Variants in NFIA observed in about 807,000 individuals in gnomAD.
The protein encoded by NFIA is nuclear factor 1 A-type.
In NFIA, 8 loss-of-function variants were observed where a neutral mutation model predicts 62.8. The ratio of observed to expected loss-of-function variants is 0.13; its 90% CI spans 0.07 to 0.23. NFIA has a LOEUF of 0.23. Among genes scored for constraint, NFIA ranks in the 10% least tolerant of loss-of-function variants. The probability of loss-of-function intolerance (pLI) is 1.00; values close to 1 mark genes in which losing one functional copy is unlikely to be tolerated. For missense variants in NFIA, 410 were observed against 642.1 expected (o/e 0.64, Z 3.91); for synonymous variants, 235 against 238.1 (o/e 0.99, Z 0.12).
At chr1:61,216,182 G>A (rs1011170140) in intron 2 of NFIA, among the ~76,000 whole-genome samples, 1 of 152,214 alleles carries the variant, frequency 6.6e-6, no homozygotes, top group Non-Finnish European at 1.5e-5. Context: ...AGTTCATGGT[G>A]CTGGGTAGTT....
In NFIA at chr1:61,454,127, G is replaced by A. The variant is rs1255161344; in HGVS notation, c.1513-1176G>A. On this transcript the variant is annotated intron_variant, in intron 10 of 10. Transcript: ENST00000403491. ...CTTCCACAGGGATGATCCTTCACCT[G>A]CCTGAAGCAACCCAATTAGAACCCT... is the stretch of plus-strand genomic sequence containing the variant. Among the ~76,000 whole-genome samples, 10 of 152,294 alleles carry A rather than the reference G, an allele frequency of 6.6e-5. No homozygotes were observed. In the South Asian group the frequency reaches 1.7e-3, roughly 25 times the overall value.
chr1:61,254,126 T>C (rs1180334425), intron 2 of NFIA, among the ~76,000 whole-genome samples: 1 of 152,216 alleles, frequency 6.6e-6, no homozygotes, highest in African/African-American at 2.4e-5. Flanking sequence ...CTTACGTCAT[T>C]TGTGGCACTG....
intron 5 of NFIA, among the ~76,000 whole-genome samples, chr1:61,357,697 C>G (rs1184734041): frequency 1.3e-5 from 2 of 152,140 alleles, no homozygotes; most frequent in Admixed American, 6.5e-5. Context: ...CTCTCTGTCT[C>G]CATGTCTGAC....
At chr1:61,415,505 A>C (rs1666309079) in intron 9 of NFIA, among the ~76,000 whole-genome samples, 1 of 152,068 alleles carries the variant, frequency 6.6e-6, no homozygotes, top group African/African-American at 2.4e-5. Flanking sequence ...ACAATCCAAT[A>C]GAAAGACAAG....
At chr1:61,134,586 T>G (rs544736195) in intron 2 of NFIA, among the ~76,000 whole-genome samples, 12 of 152,338 alleles carry the variant, frequency 7.9e-5, no homozygotes, top group Admixed American at 5.9e-4. Flanking sequence ...TTATGACCAC[T>G]CTTAAGATTG....
At chr1:61,109,058 A>G (rs1646651956) in intron 2 of NFIA, among the ~76,000 whole-genome samples, 2 of 151,852 alleles carry the variant, frequency 1.3e-5, no homozygotes, top group African/African-American at 2.4e-5. Context: ...GATTTGAACT[A>G]TAGAACCCTT....
At position 61,461,101 on chromosome 1, in the gene NFIA, CTA is replaced by C. The variant is rs2147962675; in HGVS notation, c.*5783_*5784del. On this transcript the variant is annotated 3_prime_UTR_variant, in exon 11 of 11. Coordinates refer to ENST00000403491, the MANE Select transcript of NFIA (RefSeq NM_001134673.4). ...TGGCGAGATTTTTGTCTCAAAACGA[CTA>C]TTTGAATTTCAAGAACTGTGCTGCG... 6.6e-6 allele frequency: 1 copy of C among 152,178 alleles called. No individual in the cohort carries two copies. Among genetic ancestry groups the C allele is most frequent in the South Asian group, 2.1e-4 (1 of 4,810 alleles). The allele number at this position is 152,178 out of a possible 1,614,324, so 9.4% of individuals were successfully genotyped here.
chr1:61,111,469 G>C (rs1405032958), intron 2 of NFIA, among the ~76,000 whole-genome samples: 1 of 152,140 alleles, frequency 6.6e-6, no homozygotes, highest in African/African-American at 2.4e-5. Flanking sequence ...TTTTGAAACA[G>C]CTGTAGACGT....
chr1:61,273,660 G>A (rs754305123), intron 2 of NFIA, among the ~76,000 whole-genome samples: 8 of 152,240 alleles, frequency 5.3e-5, no homozygotes, highest in East Asian at 3.9e-4. Context: ...GGAAAGTACC[G>A]GGGATAAGAG....
At chr1:61,114,250 A>G (rs1042357110) in intron 2 of NFIA, among the ~76,000 whole-genome samples, 1 of 151,958 alleles carries the variant, frequency 6.6e-6, no homozygotes, top group Non-Finnish European at 1.5e-5. Flanking sequence ...CAAATTCTAT[A>G]TACGTAGAAA....
chr1:61,081,745 TC>T, upstream of NFIA: 1 of 888,684 alleles, frequency 1.1e-6, no homozygotes, highest in Non-Finnish European at 1.7e-6. Flanking sequence ...CACTGATTCC[TC>T]ACCACCCCCG....
intron 6 of NFIA, among the ~76,000 whole-genome samples, chr1:61,364,453 G>T (rs1160736252): frequency 1.3e-5 from 2 of 152,164 alleles, no homozygotes; most frequent in Non-Finnish European, 2.9e-5. Flanking sequence ...AGCAGAATTT[G>T]CTATCAAGAA....
Position 61,327,086 on chromosome 1 carries a change from T to G in NFIA, c.626-5426T>G, listed in dbSNP as rs190170097. ...TCTACTATTATGATATGTATATATC[T>G]ACTTATATATAAATATATATTTATT... On this transcript the variant is annotated intron_variant, in intron 3 of 10. Transcript: ENST00000403491. 2.7e-5 allele frequency among the ~76,000 whole-genome samples: 4 copies of G among 148,340 alleles called. No homozygotes were observed. The Admixed American group carries it at 2.7e-4, about 10-fold the overall frequency.
At chr1:61,453,260 GTCTGGTTGCTCTT>G (rs1223984459) in intron 10 of NFIA, among the ~76,000 whole-genome samples, 2 of 152,024 alleles carry the variant, frequency 1.3e-5, no homozygotes, top group Admixed American at 6.6e-5. Context: ...GTCTGGGTCT[GTCTGGTTGCTCTT>G]AGCAACCAGA....
In NFIA at chr1:61,457,409, AT is replaced by A. The variant is rs1668356630; in HGVS notation, c.*2090del. ...CGTCAGTTTCAACATCTAGAACTAA[AT>A]AGAAAGCTAGTTGTTCCGCAGATAG... is the stretch of plus-strand genomic sequence containing the variant. On this transcript the variant is annotated 3_prime_UTR_variant, in exon 11 of 11. Transcript: ENST00000403491. This position sits in a 1 kb window ranked among gnomAD's most constrained non-coding sequence, Gnocchi z 4.2. 6.6e-6 allele frequency: 1 copy of A among 152,204 alleles called. No homozygotes were observed. The highest frequency in any genetic ancestry group is 1.5e-5 in the Non-Finnish European group (1 of 68,032). The allele number at this position is 152,204 out of a possible 1,614,324, so 9.4% of individuals were successfully genotyped here.
chr1:61,269,017 GT>G (rs1657351460), intron 2 of NFIA, among the ~76,000 whole-genome samples: 2 of 152,114 alleles, frequency 1.3e-5, no homozygotes, highest in Non-Finnish European at 1.5e-5. Flanking sequence ...CAGCTAAAAA[GT>G]TTCTTTGTTT....
chr1:61,363,120 C>A (rs1663388442), intron 6 of NFIA, among the ~76,000 whole-genome samples: 1 of 152,122 alleles, frequency 6.6e-6, no homozygotes, highest in African/African-American at 2.4e-5. Context: ...GAGATAAAAA[C>A]TGAGACTCAT....
chr1:61,211,827 G>A (rs1177318287), intron 2 of NFIA, among the ~76,000 whole-genome samples: 1 of 152,098 alleles, frequency 6.6e-6, no homozygotes, highest in African/African-American at 2.4e-5. Context: ...CCCCCAAGTA[G>A]CTGGGACTAC....
At chr1:61,282,089 T>C (rs1469766369) in intron 3 of NFIA, among the ~76,000 whole-genome samples, 1 of 151,962 alleles carries the variant, frequency 6.6e-6, no homozygotes. Flanking sequence ...TTAACAGATA[T>C]AACTAGTAGG....
Sources: allele counts gnomAD v4.1 joint callset (sites outside exome capture counted in the v4.1 genomes callset), GRCh38; gene constraint gnomAD v4.1.1; non-coding constraint Gnocchi (gnomAD v3.1); transcripts MANE v1.5; gene names NCBI Gene and HGNC (gene_info 2026-07-23, HGNC 2026-07-21).